The following ROBO2 variants were observed in gnomAD, a reference collection of about 807,000 sequenced individuals.
ROBO2 encodes roundabout guidance receptor 2, also known as roundabout homolog 2.
Under a neutral mutation model 160.8 loss-of-function variants are expected in ROBO2, and 53 were observed. The ratio of observed to expected loss-of-function variants is 0.33; its 90% CI spans 0.26 to 0.41. ROBO2 has a LOEUF of 0.41. Ranked by LOEUF, ROBO2 falls within the 10% of genes least tolerant of loss-of-function variation. The probability of loss-of-function intolerance (pLI) is 1.00; values close to 1 mark genes in which losing one functional copy is unlikely to be tolerated. For synonymous variants in ROBO2, 664 were observed against 611.7 expected (o/e 1.09, Z -1.26); for missense variants, 1,577 against 1,722.4 (o/e 0.92, Z 1.49).
intron 2 of ROBO2, among the ~76,000 whole-genome samples, chr3:76,668,184 C>T (rs1324685910): frequency 1.3e-5 from 2 of 152,014 alleles, no homozygotes; most frequent in East Asian, 3.9e-4. Flanking sequence ...ACTGCAGCCT[C>T]GACCTCCTAG....
chr3:76,579,419 C>T (rs896544409), intron 2 of ROBO2, among the ~76,000 whole-genome samples: 1 of 151,862 alleles, frequency 6.6e-6, no homozygotes, highest in Admixed American at 6.6e-5. Context: ...ACTGTAAGTA[C>T]CATGAAGTCA....
At chr3:77,484,858 T>G (rs929930837) in intron 4 of ROBO2, among the ~76,000 whole-genome samples, 1 of 152,102 alleles carries the variant, frequency 6.6e-6, no homozygotes, top group Non-Finnish European at 1.5e-5. Flanking sequence ...TATGACCATA[T>G]TTCTTTTCTG....
intron 2 of ROBO2, among the ~76,000 whole-genome samples, chr3:76,513,944 A>G (rs78489727): frequency 0.023 from 3,497 of 152,300 alleles, 56 homozygotes; most frequent in South Asian, 0.048. Flanking sequence ...AATGTTAACA[A>G]TCATTTTTTA....
chr3:77,569,610 C>T (rs2093586710), intron 13 of ROBO2, among the ~76,000 whole-genome samples: 1 of 151,940 alleles, frequency 6.6e-6, no homozygotes, highest in Non-Finnish European at 1.5e-5. Context: ...ATACAAATGC[C>T]TTATCAGATA....
chr3:77,570,782 G>A (rs1478468308), intron 13 of ROBO2, among the ~76,000 whole-genome samples: 1 of 152,008 alleles, frequency 6.6e-6, no homozygotes, highest in African/African-American at 2.4e-5. Flanking sequence ...TTACAGAAGT[G>A]TTGGGGTTGA....
At chr3:77,261,451 T>C (rs941973450) in intron 2 of ROBO2, among the ~76,000 whole-genome samples, 2 of 152,140 alleles carry the variant, frequency 1.3e-5, no homozygotes, top group Admixed American at 1.3e-4. Context: ...AAAGAAGACA[T>C]ATTGTTATAA....
intron 2 of ROBO2, among the ~76,000 whole-genome samples, chr3:76,511,142 A>G (rs1324946347): frequency 1.3e-5 from 2 of 152,332 alleles, no homozygotes; most frequent in East Asian, 3.9e-4. Context: ...AATGCAGCTG[A>G]CGAGACACCC....
intron 2 of ROBO2, among the ~76,000 whole-genome samples, chr3:76,440,915 A>C (rs1003541365): frequency 3.3e-5 from 5 of 151,742 alleles, no homozygotes; most frequent in Non-Finnish European, 5.9e-5. Context: ...GCATGTGGCA[A>C]TGTTTCTTTG....
intron 2 of ROBO2, among the ~76,000 whole-genome samples, chr3:76,764,772 C>T (rs535278308): frequency 6.6e-6 from 1 of 151,672 alleles, no homozygotes; most frequent in African/African-American, 2.4e-5. Context: ...TCTCTAATCT[C>T]CTATGCAGTA....
chr3:77,351,491 C>T (rs1304163837), intron 2 of ROBO2, among the ~76,000 whole-genome samples: 5 of 151,980 alleles, frequency 3.3e-5, no homozygotes, highest in African/African-American at 1.2e-4. Context: ...AGCTCCAAGC[C>T]CAGGAACTGG....
intron 2 of ROBO2, among the ~76,000 whole-genome samples, chr3:77,137,101 G>A (rs1391117223): frequency 6.6e-6 from 1 of 151,932 alleles, no homozygotes; most frequent in Non-Finnish European, 1.5e-5. Context: ...TAATTTTAAA[G>A]ATGAACTGGA....
chr3:76,639,099 TCAAA>T (rs929625335), intron 2 of ROBO2, among the ~76,000 whole-genome samples: 49 of 152,168 alleles, frequency 3.2e-4, no homozygotes, highest in African/African-American at 9.9e-4. Context: ...ACTGGATTTG[TCAAA>T]CAAAGGTGAT....
At chr3:76,221,593 C>T (rs1703970266) in intron 2 of ROBO2, among the ~76,000 whole-genome samples, 1 of 152,182 alleles carries the variant, frequency 6.6e-6, no homozygotes, top group Admixed American at 6.5e-5. Context: ...AATATACAAC[C>T]TTCTGCAGAA....
At chr3:76,944,196 AC>A (rs1214182627) in intron 2 of ROBO2, among the ~76,000 whole-genome samples, 1 of 152,176 alleles carries the variant, frequency 6.6e-6, no homozygotes, top group Non-Finnish European at 1.5e-5. Context: ...ATTGAAAAAA[AC>A]AACACTTTTT....
At chr3:76,834,455 C>T (rs776425475) in intron 2 of ROBO2, among the ~76,000 whole-genome samples, 2 of 151,954 alleles carry the variant, frequency 1.3e-5, no homozygotes, top group African/African-American at 4.8e-5. Context: ...TCACTGCAAC[C>T]TCCTCCTCCT....
chr3:76,500,029 C>G (rs1341226208), intron 2 of ROBO2, among the ~76,000 whole-genome samples: 1 of 152,014 alleles, frequency 6.6e-6, no homozygotes, highest in Non-Finnish European at 1.5e-5. Context: ...TTCATTTAAT[C>G]CAGGAATGAG....
chr3:76,253,372 A>T (rs540443008), intron 2 of ROBO2, among the ~76,000 whole-genome samples: 1 of 152,064 alleles, frequency 6.6e-6, no homozygotes, highest in East Asian at 1.9e-4. Flanking sequence ...CCCTAGGCTC[A>T]GGTGATTCCC....
At chr3:77,057,984 T>A (rs2065926778) in intron 1 of ROBO2, among the ~76,000 whole-genome samples, 1 of 151,840 alleles carries the variant, frequency 6.6e-6, no homozygotes, top group Non-Finnish European at 1.5e-5. Context: ...GAACTTAAAG[T>A]AAAATTAAAA....
chr3:77,218,149 T>A (rs561115508), intron 2 of ROBO2, among the ~76,000 whole-genome samples: 2 of 152,300 alleles, frequency 1.3e-5, no homozygotes, highest in East Asian at 3.9e-4. Flanking sequence ...TCATCATGTA[T>A]GGATGTGTTC....
Sources: allele counts gnomAD v4.1 joint callset (sites outside exome capture counted in the v4.1 genomes callset), GRCh38; gene constraint gnomAD v4.1.1; transcripts MANE v1.5; gene names NCBI Gene and HGNC (gene_info 2026-07-23, HGNC 2026-07-21).